Variants in ARSG observed in about 807,000 individuals in gnomAD.
The protein encoded by ARSG is arylsulfatase G, also known as ASG.
Under a neutral mutation model 50.5 loss-of-function variants are expected in ARSG, and 37 were observed. The observed-to-expected ratio is 0.73, with a 90% CI of 0.56 to 0.96. The LOEUF (loss-of-function observed/expected upper bound fraction) is 0.96. ARSG is among the 50% of genes least tolerant of loss of function. The pLI is 0.00. For missense variants in ARSG, 629 were observed against 675.3 expected, an observed-to-expected ratio of 0.93 and a Z score of 0.76; for synonymous variants, 225 against 254.6, an observed-to-expected ratio of 0.88 and a Z score of 1.11.
chr17:68,284,338 G>A (rs1309278107), intron 1 of ARSG, among the ~76,000 whole-genome samples: 1 of 152,110 alleles, frequency 6.6e-6, no homozygotes, highest in African/African-American at 2.4e-5. Context: ...AGGTTGCAAT[G>A]AGCCAAGATC....
chr17:68,436,223 C>T, the ARSG span, among the ~76,000 whole-genome samples: 1 of 152,286 alleles, frequency 6.6e-6, no homozygotes, highest in East Asian at 1.9e-4. Context: ...TCACAGCAAG[C>T]CCGAGGGGAA....
chr17:68,369,412 C>T (rs3785604), intron 7 of ARSG, among the ~76,000 whole-genome samples: 2 of 152,126 alleles, frequency 1.3e-5, no homozygotes, highest in East Asian at 1.9e-4. Flanking sequence ...TATTGGCACA[C>T]GCCTGTAGTC....
chr17:68,347,201 T>TG, intron 4 of ARSG, 29 bp downstream of exon 4: 1 of 1,607,744 alleles, frequency 6.2e-7, no homozygotes, highest in Non-Finnish European at 8.5e-7. Flanking sequence ...ATTTGTTACC[T>TG]GGGAAACAGA....
At position 68,367,462 on chromosome 17, in the gene ARSG, C is replaced by T. The variant is rs2079599596; in HGVS notation, c.705-1086C>T. 6.6e-6 allele frequency among the ~76,000 whole-genome samples: 1 copy of T among 152,182 alleles called. No individual in the cohort carries two copies. The highest frequency in any genetic ancestry group is 6.5e-5 in the Admixed American group (1 of 15,272). ...GAATGTTGTTGACTCTGTACTCTCC[C>T]AATACCCTTGTTTGGTGTCCTCTGA... On this transcript the variant is annotated intron_variant, in intron 6 of 11. Coordinates refer to ENST00000621439, the MANE Select transcript of ARSG (RefSeq NM_001267727.2). The surrounding 1 kb of genome is among the most constrained non-coding windows in gnomAD (Gnocchi z 4.5).
chr17:68,308,881 G>A (rs550483969), intron 2 of ARSG, among the ~76,000 whole-genome samples: 29 of 152,378 alleles, frequency 1.9e-4, no homozygotes, highest in South Asian at 4.1e-4. Context: ...GCTGCAGGTG[G>A]AGCTGCCTGC....
At chr17:68,436,307 G>T in the ARSG span, 2 of 1,384,316 alleles carry the variant, frequency 1.4e-6, no homozygotes, top group South Asian at 1.2e-5. Context: ...ACGGCAGGGC[G>T]TCCTTATCTA....
chr17:68,288,163 AT>A (rs531417432), upstream of ARSG, among the ~76,000 whole-genome samples: 54 of 147,706 alleles, frequency 3.7e-4, no homozygotes, highest in African/African-American at 6.4e-4. Flanking sequence ...CGCCCGGCTG[AT>A]TTTTTTTTTG....
chr17:68,326,873 G>T (rs967573416), intron 2 of ARSG, among the ~76,000 whole-genome samples: 3 of 152,166 alleles, frequency 2.0e-5, no homozygotes, highest in African/African-American at 7.2e-5. Context: ...TCAAGCAACA[G>T]TCGTCAGCAG....
At chr17:68,418,619 C>T (rs2082542490) in intron 11 of ARSG, among the ~76,000 whole-genome samples, 1 of 152,134 alleles carries the variant, frequency 6.6e-6, no homozygotes, top group Non-Finnish European at 1.5e-5. Flanking sequence ...ATGGCTTTGC[C>T]CCTATAGACT....
chr17:68,434,571 C>G, the ARSG span: 6 of 1,613,834 alleles, frequency 3.7e-6, no homozygotes, highest in African/African-American at 1.3e-5. Context: ...CATCCCTCTC[C>G]GGAACTCATA....
chr17:68,311,858 T>C (rs1326322079), intron 2 of ARSG, among the ~76,000 whole-genome samples: 1 of 148,976 alleles, frequency 6.7e-6, no homozygotes, highest in African/African-American at 2.5e-5. Flanking sequence ...TGGAGTGCAG[T>C]AGTGCGATCT....
chr17:68,426,300 C>G, downstream of ARSG: 1 of 742,676 alleles, frequency 1.3e-6, no homozygotes, highest in Non-Finnish European at 2.3e-6. Context: ...TGTCTTCCCC[C>G]TGGAGGTACT....
intron 9 of ARSG, among the ~76,000 whole-genome samples, chr17:68,386,427 G>A (rs2080726612): frequency 1.3e-5 from 2 of 152,172 alleles, no homozygotes; most frequent in Admixed American, 1.3e-4. Flanking sequence ...GATCCAATGG[G>A]GAGGAGGGGA....
chr17:68,385,987 A>C (rs1252316370), intron 9 of ARSG, among the ~76,000 whole-genome samples: 1 of 152,178 alleles, frequency 6.6e-6, no homozygotes, highest in African/African-American at 2.4e-5. Context: ...GCCTCTGGCC[A>C]TGATGCTTCT....
chr17:68,446,048 T>C, the ARSG span, among the ~76,000 whole-genome samples: 1 of 152,116 alleles, frequency 6.6e-6, no homozygotes, highest in Non-Finnish European at 1.5e-5. Context: ...TACCAAAAAA[T>C]ACCACACAAA....
At chr17:68,306,164 G>A (rs1303768453) in intron 1 of ARSG, among the ~76,000 whole-genome samples, 1 of 151,834 alleles carries the variant, frequency 6.6e-6, no homozygotes, top group Admixed American at 6.6e-5. Context: ...CACCATGCCC[G>A]GCTCATTTTG....
At chr17:68,397,673 T>A (rs1177280174) in intron 10 of ARSG, among the ~76,000 whole-genome samples, 1 of 152,262 alleles carries the variant, frequency 6.6e-6, no homozygotes, top group Non-Finnish European at 1.5e-5. Context: ...CTTACATGTA[T>A]GCATATGTGT....
chr17:68,429,907 TTTC>T, the ARSG span: 1 of 1,585,808 alleles, frequency 6.3e-7, no homozygotes, highest in Non-Finnish European at 8.6e-7. Flanking sequence ...GTTTTCTTTT[TTTC>T]TTTTCAGGTT....
chr17:68,326,053 G>C (rs2077489566), intron 2 of ARSG, among the ~76,000 whole-genome samples: 1 of 152,136 alleles, frequency 6.6e-6, no homozygotes, highest in South Asian at 2.1e-4. Context: ...CTGAGGTCTG[G>C]AATTATACCC....
Sources: allele counts gnomAD v4.1 joint callset (sites outside exome capture counted in the v4.1 genomes callset), GRCh38; gene constraint gnomAD v4.1.1; non-coding constraint Gnocchi (gnomAD v3.1); transcripts MANE v1.5; gene names NCBI Gene and HGNC (gene_info 2026-07-23, HGNC 2026-07-21).